Variants in EFCAB11 observed in about 807,000 individuals in gnomAD.
EFCAB11 encodes EF-hand calcium-binding domain-containing protein 11.
EFCAB11 carries 14 observed loss-of-function variants against 23.0 expected under a neutral mutation model. The observed-to-expected ratio is 0.61, with a 90% CI of 0.40 to 0.95. The LOEUF (loss-of-function observed/expected upper bound fraction) is 0.95, where lower values mean the gene tolerates loss of function less well. Among genes scored for constraint, EFCAB11 ranks in the 40% least tolerant of loss-of-function variants. EFCAB11 has a pLI of 0.00. For synonymous variants in EFCAB11, 65 were observed against 66.6 expected, an observed-to-expected ratio of 0.98 and a Z score of 0.11; for missense variants, 198 against 195.8, an observed-to-expected ratio of 1.01 and a Z score of -0.07.
chr14:89,900,905 G>A (rs1045205674), intron 5 of EFCAB11, among the ~76,000 whole-genome samples: 11 of 151,998 alleles, frequency 7.2e-5, no homozygotes, highest in Non-Finnish European at 1.5e-4. Flanking sequence ...GCATTTCAAC[G>A]TCTTATAAAT....
At chr14:89,903,576 G>C (rs182945217) in intron 5 of EFCAB11, among the ~76,000 whole-genome samples, 53 of 151,666 alleles carry the variant, frequency 3.5e-4, no homozygotes, top group South Asian at 1.0e-3. Context: ...AAAGAGAAGG[G>C]GGGGGGCAAT....
At chr14:89,857,812 G>T (rs1373466578) in intron 5 of EFCAB11, among the ~76,000 whole-genome samples, 5 of 152,188 alleles carry the variant, frequency 3.3e-5, no homozygotes, top group Admixed American at 3.3e-4. Context: ...CAGAGAAAAT[G>T]ATATCTTTTT....
At chr14:89,839,859 C>T (rs914527496) in intron 5 of EFCAB11, among the ~76,000 whole-genome samples, 10 of 152,040 alleles carry the variant, frequency 6.6e-5, no homozygotes, top group Non-Finnish European at 1.5e-4. Context: ...AACTCATTCG[C>T]TATATAGTAC....
At chr14:89,849,607 T>TTTG (rs1566783401) in intron 5 of EFCAB11, among the ~76,000 whole-genome samples, 4 of 12,698 alleles carry the variant, frequency 3.2e-4, no homozygotes, top group South Asian at 2.6e-3. Context: ...AGGAAATCTG[T>TTTG]TTTTTTTTTT....
rs528231899 is a variant in EFCAB11, at chr14:89,903,581, G to A, written c.410+27960C>T. On this transcript the variant is annotated intron_variant, in intron 5 of 5. Coordinates refer to ENST00000316738, the MANE Select transcript of EFCAB11 (RefSeq NM_145231.4). The stretch of plus-strand genomic sequence containing the variant: ...ATAATGGGTAAAAGAGAAGGGGGGG[G>A]GCAATTCTGGGTGTTTGCAAATGAA... Among the ~76,000 whole-genome samples, 16 of 151,206 alleles carry A rather than the reference G, an allele frequency of 1.1e-4. No homozygotes were observed. The South Asian group carries it at 3.1e-3, about 30-fold the overall frequency.
intron 5 of EFCAB11, among the ~76,000 whole-genome samples, chr14:89,816,475 A>C (rs1886341091): frequency 6.6e-6 from 1 of 152,230 alleles, no homozygotes; most frequent in Non-Finnish European, 1.5e-5. Context: ...CTCATAATAC[A>C]GTTAATTCAC....
At chr14:89,951,277 AG>A (rs1055483332) in intron 2 of EFCAB11, among the ~76,000 whole-genome samples, 49 of 152,158 alleles carry the variant, frequency 3.2e-4, no homozygotes, top group African/African-American at 1.2e-3. Flanking sequence ...CTTCAGTCCC[AG>A]TGGTCATGTC....
At chr14:89,916,826 A>G (rs1889858828) in intron 5 of EFCAB11, among the ~76,000 whole-genome samples, 1 of 152,198 alleles carries the variant, frequency 6.6e-6, no homozygotes, top group Non-Finnish European at 1.5e-5. Context: ...AATCCTAACA[A>G]TAAGACTTGG....
intron 5 of EFCAB11, among the ~76,000 whole-genome samples, chr14:89,862,987 C>T (rs955907804): frequency 4.6e-5 from 7 of 152,122 alleles, no homozygotes; most frequent in Non-Finnish European, 8.8e-5. Flanking sequence ...TGTTTCCATA[C>T]ATTTACTAAG....
chr14:89,863,133 C>T (rs1887980976), intron 5 of EFCAB11, among the ~76,000 whole-genome samples: 1 of 151,758 alleles, frequency 6.6e-6, no homozygotes, highest in Admixed American at 6.6e-5. Flanking sequence ...GAGTAAAGGA[C>T]AGGAAATAAC....
chr14:89,940,192 C>T (rs149539370), intron 3 of EFCAB11, among the ~76,000 whole-genome samples: 3 of 152,198 alleles, frequency 2.0e-5, no homozygotes, highest in African/African-American at 4.8e-5. Flanking sequence ...TAAAATGCTA[C>T]GATTATAATT....
intron 5 of EFCAB11, among the ~76,000 whole-genome samples, chr14:89,809,799 C>G (rs1306062662): frequency 2.6e-5 from 4 of 152,078 alleles, no homozygotes; most frequent in Non-Finnish European, 4.4e-5. Context: ...CTCCCTCCCC[C>G]CGTCAATGGC....
At chr14:89,903,055 G>A (rs368366724) in intron 5 of EFCAB11, among the ~76,000 whole-genome samples, 1 of 152,210 alleles carries the variant, frequency 6.6e-6, no homozygotes, top group African/African-American at 2.4e-5. Context: ...TCATTAGGAG[G>A]AAACAGCCCC....
chr14:89,803,698 A>G (rs1257551947), intron 5 of EFCAB11, among the ~76,000 whole-genome samples: 1 of 152,204 alleles, frequency 6.6e-6, no homozygotes, highest in Non-Finnish European at 1.5e-5. Flanking sequence ...CAGTGAAAGT[A>G]AAAATTACCC....
chr14:89,813,897 T>C (rs10133721), intron 5 of EFCAB11, among the ~76,000 whole-genome samples: 5,739 of 152,252 alleles, frequency 0.038, 184 homozygotes, highest in African/African-American at 0.087. Context: ...ACAACCGTGC[T>C]TGACTTCTGC....
intron 5 of EFCAB11, among the ~76,000 whole-genome samples, chr14:89,820,012 C>G (rs1488269474): frequency 6.6e-6 from 1 of 151,992 alleles, no homozygotes; most frequent in African/African-American, 2.4e-5. Flanking sequence ...TACCATAAAG[C>G]TTTTCTGTTA....
intron 5 of EFCAB11, among the ~76,000 whole-genome samples, chr14:89,856,822 T>C (rs1887769797): frequency 6.6e-6 from 1 of 152,218 alleles, no homozygotes; most frequent in African/African-American, 2.4e-5. Context: ...CCTTTATCAA[T>C]TTTAGATATT....
chr14:89,857,050 T>C (rs1465520884), intron 5 of EFCAB11, among the ~76,000 whole-genome samples: 1 of 152,202 alleles, frequency 6.6e-6, no homozygotes, highest in African/African-American at 2.4e-5. Flanking sequence ...CCTGGGTGCA[T>C]GTGAACTGAA....
chr14:89,938,171 G>A (rs1890657519), intron 3 of EFCAB11: 1 of 152,152 alleles, frequency 6.6e-6, no homozygotes, highest in Non-Finnish European at 1.5e-5. Flanking sequence ...AATAAACCTG[G>A]GGAGAGTGAA....
Sources: allele counts gnomAD v4.1 joint callset (sites outside exome capture counted in the v4.1 genomes callset), GRCh38; gene constraint gnomAD v4.1.1; transcripts MANE v1.5; gene names NCBI Gene and HGNC (gene_info 2026-07-23, HGNC 2026-07-21).